ZSCAN5C: variants seen among roughly 807,000 people sequenced by gnomAD.
ZSCAN5C encodes zinc finger and SCAN domain containing 5C, also known as zinc finger and SCAN domain-containing protein 5C.
Under a neutral mutation model 17.3 loss-of-function variants are expected in ZSCAN5C, and 11 were observed. The observed-to-expected ratio is 0.64, with a 90% CI of 0.40 to 1.06. ZSCAN5C has a LOEUF of 1.06. ZSCAN5C is among the 50% of genes least tolerant of loss of function. ZSCAN5C has a pLI of 0.00. For synonymous variants in ZSCAN5C, 229 were observed against 208.4 expected, an observed-to-expected ratio of 1.10 and a Z score of -0.85; for missense variants, 698 against 538.9, an observed-to-expected ratio of 1.30 and a Z score of -2.92.
At chr19:56,206,014 G>C (rs2032916685) in exon 2 of ZSCAN5C, 1 of 1,611,634 alleles carries the variant, frequency 6.2e-7, no homozygotes, top group Non-Finnish European at 8.5e-7. Context: ...ACTCAACTTG[G>C]AAATCATGAC....
At chr19:56,209,308 G>A (rs1397277722), downstream of ZSCAN5C, 4 of 590,392 alleles carry the variant, frequency 6.8e-6, no homozygotes, top group East Asian at 8.3e-5. Context: ...ACGCAGAGGA[G>A]TGCCCTAGAT....
chr19:56,207,282 G>A lies in ZSCAN5C; in HGVS notation c.588+20G>A. 1 of 766,122 alleles carries A rather than the reference G, an allele frequency of 1.3e-6. No homozygotes were observed. Among genetic ancestry groups the A allele is most frequent in the East Asian group, 2.5e-5 (1 of 40,780 alleles). The allele number at this position is 766,122 out of a possible 1,614,324, so 47.5% of individuals were successfully genotyped here. On this transcript the variant is annotated intron_variant, in intron 3 of 4. Coordinates refer to ENST00000534327, the Ensembl canonical transcript of ZSCAN5C. ...AGGCAGGTGGGTGTGTGAGGCCTTG[G>A]TGTCTGGGCAGAGGTGGGAGAAGGA...
At chr19:56,208,451 G>A (rs2032948656) in exon 5 of ZSCAN5C, 1 of 1,326,694 alleles carries the variant, frequency 7.5e-7, no homozygotes, top group Non-Finnish European at 1.1e-6. Context: ...TCTTCCAGCA[G>A]GGGTGGTGGG....
In ZSCAN5C at chr19:56,207,154, C is replaced by T. The variant is rs187699193; in HGVS notation, c.480C>T (p.His160=). The T allele has an allele frequency of 1.6e-4, 124 of 778,334 alleles. No individual in the cohort carries two copies. In the African/African-American group the frequency reaches 1.6e-3, roughly 10 times the overall value. The allele number at this position is 778,334 out of a possible 1,614,324, so 48.2% of individuals were successfully genotyped here. Residue 160 remains histidine, a synonymous_variant, in exon 3 of 5, where the codon CAC becomes CAT. Transcript: ENST00000534327. ...CCAGTGTCAGAGATGATCCGAGACA[C>T]GTGTCCAGCCAGCGGACCTCCTCTG...
chr19:56,209,376 TG>T (rs2032964824), downstream of ZSCAN5C: 1 of 517,128 alleles, frequency 1.9e-6, no homozygotes, highest in Non-Finnish European at 3.4e-6. Context: ...TTTTGGTTTT[TG>T]TTTCATTATT....
chr19:56,208,799 A>T, exon 5 of ZSCAN5C: 2 of 1,574,402 alleles, frequency 1.3e-6, no homozygotes, highest in Non-Finnish European at 1.7e-6. Flanking sequence ...GTGCGGCAAG[A>T]GGTTTAAGTA....
chr19:56,202,874 C>T (rs1276383224), intron 1 of ZSCAN5C, among the ~76,000 whole-genome samples: 2 of 152,006 alleles, frequency 1.3e-5, no homozygotes, highest in Admixed American at 6.5e-5. Flanking sequence ...TGTTAAAAAG[C>T]ATCGCTGGAT....
intron 3 of ZSCAN5C, 148 bp from the exon 4 acceptor site, chr19:56,207,886 C>A: frequency 8.4e-6 from 5 of 598,712 alleles, no homozygotes; most frequent in South Asian, 8.1e-5. Flanking sequence ...GCTGGCACAG[C>A]GGGGAGAAAT....
At chr19:56,206,716 G>T (rs1266216386) in intron 2 of ZSCAN5C, among the ~76,000 whole-genome samples, 1 of 151,828 alleles carries the variant, frequency 6.6e-6, no homozygotes, top group Non-Finnish European at 1.5e-5. Flanking sequence ...CTGAAGGGGG[G>T]CCCAGAAATA....
chr19:56,206,026 G>T (rs760978357), exon 2 of ZSCAN5C: 2 of 1,612,740 alleles, frequency 1.2e-6, no homozygotes, highest in African/African-American at 2.7e-5. Context: ...AATCATGACA[G>T]TGATCCTGAG....
chr19:56,208,854 G>T (rs781156926), exon 5 of ZSCAN5C: 4 of 1,569,240 alleles, frequency 2.5e-6, no homozygotes, highest in Non-Finnish European at 3.5e-6. Context: ...ACAGGCGAGA[G>T]ACTCTTTCAG....
rs189041545 is a variant in ZSCAN5C, at chr19:56,208,580, G to A, written c.871G>A (p.Ala291Thr). ...GACTCACAGCGGGAGCAGAGGAGAC[G>A]CTCTGAATCTGAGAGGTCTCAAAAG... is the stretch of plus-strand genomic sequence containing the variant. Residue 291 changes from alanine to threonine, a missense_variant, in exon 5 of 5, where the codon GCT becomes ACT. Around this residue, in one of 3 missense-constraint regions of ZSCAN5C, gnomAD observed 554 missense variants for 390.5 expected, o/e 1.42. Transcript: ENST00000534327. The A allele has an allele frequency of 1.0e-3, 1,601 of 1,595,078 alleles. 5 individuals are homozygous for A. Among genetic ancestry groups the A allele is most frequent in the South Asian group, 1.4e-3 (131 of 90,698 alleles).
At chr19:56,205,635 G>C (rs1030885215) in intron 1 of ZSCAN5C, among the ~76,000 whole-genome samples, 152 bp from the exon 2 acceptor site, 1 of 151,848 alleles carries the variant, frequency 6.6e-6, no homozygotes, top group Admixed American at 6.6e-5. Flanking sequence ...GTCAGGTGTA[G>C]ACACTGGAAG....
chr19:56,204,675 T>C lies in ZSCAN5C; in HGVS notation c.-127-1112T>C, dbSNP rs371083066. Among the ~76,000 whole-genome samples the C allele has an allele frequency of 6.6e-5, 10 of 151,970 alleles. No individual in the cohort carries two copies. The South Asian group carries it at 2.1e-3, about 31-fold the overall frequency. ...CTCCCGCCTCTGCCGATTGTCTCCCTGGCTGTCTCTCTGTTCTGCACTTGC... is the reference window on the plus strand; with the variant it reads ...CTCCCGCCTCTGCCGATTGTCTCCCCGGCTGTCTCTCTGTTCTGCACTTGC... On this transcript the variant is annotated intron_variant, in intron 1 of 4. Transcript: ENST00000534327.
chr19:56,206,025 A>G (rs556401107), exon 2 of ZSCAN5C: 1 of 1,611,642 alleles, frequency 6.2e-7, no homozygotes, highest in South Asian at 1.1e-5. Context: ...AAATCATGAC[A>G]GTGATCCTGA....
At chr19:56,204,562 G>A (rs186466761) in intron 1 of ZSCAN5C, among the ~76,000 whole-genome samples, 1,707 of 151,688 alleles carry the variant, frequency 0.011, 109 homozygotes, top group African/African-American at 0.039. Flanking sequence ...TTGTTTTCTC[G>A]CTCTGGAGGA....
exon 5 of ZSCAN5C, chr19:56,208,579 C>T (rs376593231): frequency 4.6e-5 from 74 of 1,594,664 alleles, no homozygotes; most frequent in South Asian, 2.0e-4. Context: ...GCAGAGGAGA[C>T]GCTCTGAATC....
At chr19:56,205,649 A>G (rs1460469754) in intron 1 of ZSCAN5C, 138 bp from the exon 2 acceptor site, 3 of 409,052 alleles carry the variant, frequency 7.3e-6, no homozygotes, top group Non-Finnish European at 1.3e-5. Context: ...CTGGAAGAAT[A>G]ACAGAGTGGA....
At chr19:56,208,102 G>C in exon 4 of ZSCAN5C, 1 of 774,714 alleles carries the variant, frequency 1.3e-6, no homozygotes, top group Non-Finnish European at 2.4e-6. Context: ...GACCCAAGCC[G>C]ACCTTGGAGA....
Sources: gnomAD v4.1 joint callset for allele counts (sites outside exome capture counted in the v4.1 genomes callset) on GRCh38, gnomAD v4.1.1 for gene constraint, gnomAD v4.1.1 regional missense constraint, MANE v1.5 for transcripts, NCBI Gene and HGNC (gene_info 2026-07-23, HGNC 2026-07-21) for gene names.